The following CLNK variants were observed in gnomAD, a reference collection of about 807,000 sequenced individuals.
CLNK encodes the protein cytokine-dependent hematopoietic cell linker.
A neutral mutation model predicts 68.6 loss-of-function variants in CLNK; 74 were observed. That is an observed-to-expected ratio of 1.08 (90% CI 0.89 to 1.31). The LOEUF (loss-of-function observed/expected upper bound fraction) is 1.31. Ranked by LOEUF, CLNK falls within the 50% of genes most tolerant of loss-of-function variation. The pLI, the probability that CLNK is intolerant of heterozygous loss-of-function variation, is 0.00. For synonymous variants in CLNK, 198 were observed against 172.2 expected, an observed-to-expected ratio of 1.15 and a Z score of -1.17; for missense variants, 553 against 515.3, an observed-to-expected ratio of 1.07 and a Z score of -0.71.
At chr4:10,536,529 C>G (rs1470375901) in intron 11 of CLNK, among the ~76,000 whole-genome samples, 1 of 152,138 alleles carries the variant, frequency 6.6e-6, no homozygotes, top group Non-Finnish European at 1.5e-5. Flanking sequence ...CATCAATAGT[C>G]AAATGTCAAC....
intron 4 of CLNK, 103 bp from the exon 5 acceptor site, chr4:10,571,881 T>A: frequency 1.2e-6 from 1 of 846,226 alleles, no homozygotes; most frequent in Non-Finnish European, 1.9e-6. Context: ...TTGTCAGTTT[T>A]AATTAACTTA....
At chr4:10,610,291 G>C (rs1280978522) in intron 2 of CLNK, among the ~76,000 whole-genome samples, 1 of 149,406 alleles carries the variant, frequency 6.7e-6, no homozygotes, top group Non-Finnish European at 1.5e-5. Context: ...TGATCCGCCC[G>C]CCTCGGCCTC....
intron 18 of CLNK, among the ~76,000 whole-genome samples, chr4:10,491,806 G>A (rs1421536752): frequency 2.0e-5 from 3 of 151,972 alleles, no homozygotes; most frequent in Non-Finnish European, 2.9e-5. Context: ...AGAGGTATAA[G>A]TGGCTTTTGG....
At chr4:10,712,441 C>A in the CLNK span, among the ~76,000 whole-genome samples, 1 of 152,128 alleles carries the variant, frequency 6.6e-6, no homozygotes, top group African/African-American at 2.4e-5. Context: ...CTCATTTCTG[C>A]AAATAGGCCA....
At chr4:10,686,373 G>A (rs115062445), upstream of CLNK, among the ~76,000 whole-genome samples, 1,922 of 152,092 alleles carry the variant, frequency 0.013, 31 homozygotes, top group African/African-American at 0.042. Flanking sequence ...TAGCTGGGAC[G>A]TATTCGACCC....
chr4:10,582,013 G>C (rs973510660), intron 4 of CLNK, among the ~76,000 whole-genome samples: 3 of 152,008 alleles, frequency 2.0e-5, no homozygotes, highest in Non-Finnish European at 2.9e-5. Flanking sequence ...ACCCTAACAT[G>C]GGCTAGAAAA....
intron 8 of CLNK, among the ~76,000 whole-genome samples, chr4:10,551,549 A>G (rs1239965591): frequency 1.3e-5 from 2 of 152,118 alleles, no homozygotes; most frequent in Non-Finnish European, 2.9e-5. Flanking sequence ...GGTTACAGGC[A>G]TGAGCCACCA....
At chr4:10,540,625 G>A in intron 10 of CLNK, 21 bp from the exon 11 acceptor site, 1 of 1,570,358 alleles carries the variant, frequency 6.4e-7, no homozygotes, top group Non-Finnish European at 8.8e-7. Flanking sequence ...AGTCGCAGTA[G>A]GGTCCTGAGA....
At chr4:10,554,565 G>T (rs183241064) in intron 8 of CLNK, among the ~76,000 whole-genome samples, 6 of 152,198 alleles carry the variant, frequency 3.9e-5, no homozygotes, top group Non-Finnish European at 7.4e-5. Flanking sequence ...ATACTGTTCT[G>T]TAGTTCAATT....
At chr4:10,649,497 A>G (rs1201601577) in intron 2 of CLNK, among the ~76,000 whole-genome samples, 32 of 152,144 alleles carry the variant, frequency 2.1e-4, no homozygotes, top group Admixed American at 2.1e-3. Flanking sequence ...TACAAAGCTC[A>G]CATATTCTAC....
the CLNK span, among the ~76,000 whole-genome samples, chr4:10,713,845 T>C: frequency 6.6e-6 from 1 of 152,336 alleles, no homozygotes; most frequent in Non-Finnish European, 1.5e-5. Context: ...TGAAGAATCA[T>C]GTGCCAAATA....
chr4:10,667,695 T>G (rs1724453789), intron 2 of CLNK, among the ~76,000 whole-genome samples, 164 bp downstream of exon 2: 1 of 79,684 alleles, frequency 1.3e-5, no homozygotes, highest in African/African-American at 4.6e-5. Flanking sequence ...GAAAGAGGAG[T>G]GTTCTGAACA....
At chr4:10,559,891 T>A (rs1249634756) in intron 7 of CLNK, among the ~76,000 whole-genome samples, 1 of 152,036 alleles carries the variant, frequency 6.6e-6, no homozygotes, top group Non-Finnish European at 1.5e-5. Flanking sequence ...AGAATTGAGA[T>A]TTGGGGTTGG....
intron 2 of CLNK, among the ~76,000 whole-genome samples, chr4:10,626,945 G>C (rs1280573321): frequency 6.6e-6 from 1 of 152,090 alleles, no homozygotes; most frequent in Non-Finnish European, 1.5e-5. Context: ...GAGAGATTTT[G>C]TGCCACGTTT....
At chr4:10,657,831 C>T (rs1194165928) in intron 2 of CLNK, among the ~76,000 whole-genome samples, 2 of 152,150 alleles carry the variant, frequency 1.3e-5, no homozygotes, top group South Asian at 2.1e-4. Context: ...CCCCGCCAAT[C>T]GAGAGATATG....
the CLNK span, among the ~76,000 whole-genome samples, chr4:10,706,445 G>A: frequency 6.6e-6 from 1 of 152,198 alleles, no homozygotes; most frequent in Non-Finnish European, 1.5e-5. Context: ...TATAGATAGA[G>A]ATGCCAAAAT....
At chr4:10,654,865 G>C (rs184419468) in intron 2 of CLNK, among the ~76,000 whole-genome samples, 10 of 152,178 alleles carry the variant, frequency 6.6e-5, no homozygotes, top group African/African-American at 2.2e-4. Flanking sequence ...CGCTTTGGGA[G>C]GCCGAGGCGG....
At chr4:10,490,783 G>A (rs1164438438) in intron 18 of CLNK, among the ~76,000 whole-genome samples, 170 bp from the exon 19 acceptor site, 3 of 152,080 alleles carry the variant, frequency 2.0e-5, no homozygotes, top group Admixed American at 6.6e-5. Context: ...GTTTTTTTCT[G>A]AGACGTTGTT....
chr4:10,712,136 A>G, the CLNK span, among the ~76,000 whole-genome samples: 1 of 152,116 alleles, frequency 6.6e-6, no homozygotes, highest in African/African-American at 2.4e-5. Context: ...TTGAATATAT[A>G]TTTTTGGAAA....
Sources: gnomAD v4.1 joint callset for allele counts (sites outside exome capture counted in the v4.1 genomes callset) on GRCh38, gnomAD v4.1.1 for gene constraint, MANE v1.5 for transcripts, NCBI Gene and HGNC (gene_info 2026-07-23, HGNC 2026-07-21) for gene names.